Variants in CDH18 observed in about 807,000 individuals in gnomAD.
CDH18 encodes the protein cadherin 18.
Under a neutral mutation model 67.9 loss-of-function variants are expected in CDH18, and 31 were observed. The ratio of observed to expected loss-of-function variants is 0.46; its 90% CI spans 0.34 to 0.62. The LOEUF is 0.62. Ranked by LOEUF, CDH18 falls within the 20% of genes least tolerant of loss-of-function variation. The probability of loss-of-function intolerance (pLI) is 0.01; values close to 1 mark genes in which losing one functional copy is unlikely to be tolerated. For synonymous variants in CDH18, 362 were observed against 347.2 expected (o/e 1.04, Z -0.48); for missense variants, 890 against 975.5 (o/e 0.91, Z 1.17).
In CDH18 at chr5:20,172,216, ATATATATGTATATATATATATATG is replaced by A. The variant is rs1425086580; in HGVS notation, c.-518+83204_-518+83227del. Among the ~76,000 whole-genome samples, 24 of 78,778 alleles carry A rather than the reference ATATATATGTATATATATATATATG, an allele frequency of 3.0e-4. 1 individual carries two copies. The highest frequency in any genetic ancestry group is 1.3e-3 in the African/African-American group (23 of 17,470). 51.7% of individuals were successfully genotyped at this position (78,778 alleles called of 152,430 possible). A position where few individuals can be genotyped will look rare whatever the true frequency, so the allele number is the denominator to read the frequency against. ...TATATATATATATATATATATATAT[ATATATATGTATATATATATATATG>A]TATATATATATATATATCTCCTCTC... On this transcript the variant is annotated intron_variant, in intron 2 of 14. Transcript: ENST00000507958.
intron 2 of CDH18, among the ~76,000 whole-genome samples, chr5:19,843,486 T>G (rs1462438373): frequency 8.7e-6 from 1 of 115,454 alleles, no homozygotes; most frequent in Non-Finnish European, 2.0e-5. Context: ...AACACCTGGA[T>G]GGCTAGCAGA....
chr5:20,233,136 A>G (rs999504520), intron 2 of CDH18, among the ~76,000 whole-genome samples: 3 of 151,320 alleles, frequency 2.0e-5, no homozygotes, highest in African/African-American at 7.3e-5. Context: ...TTCAACTCTA[A>G]TTCCCCTAGC....
intron 1 of CDH18, among the ~76,000 whole-genome samples, chr5:20,276,368 C>A (rs1605661): frequency 0.12 from 17,766 of 152,168 alleles, 1,578 homozygotes; most frequent in African/African-American, 0.24. Flanking sequence ...GGATAGGGAA[C>A]TGGGCAGAGT....
intron 1 of CDH18, among the ~76,000 whole-genome samples, chr5:20,342,718 C>T (rs1455201089): frequency 6.6e-6 from 1 of 152,138 alleles, no homozygotes; most frequent in Admixed American, 6.5e-5. Flanking sequence ...AGTAGGGACT[C>T]TGCATTTAAT....
intron 1 of CDH18, among the ~76,000 whole-genome samples, chr5:20,530,978 A>T (rs1229163407): frequency 2.0e-5 from 3 of 152,122 alleles, no homozygotes; most frequent in Non-Finnish European, 4.4e-5. Flanking sequence ...AAATTTTTGC[A>T]ATCTATCCAT....
At chr5:19,871,633 G>A (rs1786305222) in intron 2 of CDH18, among the ~76,000 whole-genome samples, 1 of 152,026 alleles carries the variant, frequency 6.6e-6, no homozygotes, top group African/African-American at 2.4e-5. Flanking sequence ...AATGAGATAA[G>A]GATAAGTCGG....
At chr5:19,938,680 G>A (rs960038900) in intron 2 of CDH18, among the ~76,000 whole-genome samples, 26 of 150,984 alleles carry the variant, frequency 1.7e-4, no homozygotes, top group Admixed American at 6.0e-4. Flanking sequence ...ATATATCTTG[G>A]TATTTTTAGA....
chr5:19,530,188 A>G (rs1370959877), intron 9 of CDH18, among the ~76,000 whole-genome samples: 2 of 152,308 alleles, frequency 1.3e-5, no homozygotes, highest in Admixed American at 6.5e-5. Context: ...AGAAAATGAT[A>G]GCATTAAGAC....
chr5:19,882,238 T>C (rs1787736103), intron 2 of CDH18, among the ~76,000 whole-genome samples: 1 of 152,154 alleles, frequency 6.6e-6, no homozygotes, highest in South Asian at 2.1e-4. Context: ...GATTCTTTGA[T>C]TCTGTGTCTC....
intron 3 of CDH18, among the ~76,000 whole-genome samples, chr5:19,771,074 T>C (rs545951377): frequency 5.3e-5 from 8 of 152,140 alleles, no homozygotes; most frequent in Non-Finnish European, 1.2e-4. Context: ...TTTGGGGTAC[T>C]TGGGTGAAGA....
At chr5:19,733,816 T>C (rs1033304634) in intron 4 of CDH18, among the ~76,000 whole-genome samples, 9 of 152,178 alleles carry the variant, frequency 5.9e-5, no homozygotes, top group African/African-American at 2.2e-4. Context: ...GGCTTGGGTG[T>C]CTCAGGCACC....
intron 3 of CDH18, among the ~76,000 whole-genome samples, chr5:19,771,834 G>A (rs1475049226): frequency 6.6e-6 from 1 of 152,126 alleles, no homozygotes; most frequent in Non-Finnish European, 1.5e-5. Flanking sequence ...GCAGTTGTCA[G>A]GGGCAGGAGT....
intron 9 of CDH18, among the ~76,000 whole-genome samples, chr5:19,526,731 C>G (rs547449961): frequency 6.6e-6 from 1 of 151,862 alleles, no homozygotes; most frequent in Admixed American, 6.6e-5. Context: ...GATTTCTAAT[C>G]TGATTATTCA....
intron 5 of CDH18, among the ~76,000 whole-genome samples, chr5:19,700,328 A>C (rs1763074719): frequency 6.6e-6 from 1 of 152,192 alleles, no homozygotes; most frequent in Non-Finnish European, 1.5e-5. Context: ...ACAAATAAAA[A>C]AGTATAGTAA....
At chr5:20,521,416 A>G (rs1755735070) in intron 1 of CDH18, among the ~76,000 whole-genome samples, 1 of 152,116 alleles carries the variant, frequency 6.6e-6, no homozygotes, top group African/African-American at 2.4e-5. Flanking sequence ...TGATAATGCA[A>G]ATAAGACTTA....
chr5:19,914,401 C>T (rs759511701), intron 2 of CDH18, among the ~76,000 whole-genome samples: 2 of 151,996 alleles, frequency 1.3e-5, no homozygotes, highest in South Asian at 2.1e-4. Context: ...ATTAGCATGA[C>T]ATTATTAGGT....
chr5:19,489,645 C>CT (rs2126652917), intron 11 of CDH18, among the ~76,000 whole-genome samples: 1 of 152,198 alleles, frequency 6.6e-6, no homozygotes, highest in South Asian at 2.1e-4. Context: ...ACGAAAACAT[C>CT]TTTTTCTGCA....
At chr5:20,360,743 G>A (rs1742020541) in intron 1 of CDH18, among the ~76,000 whole-genome samples, 1 of 152,222 alleles carries the variant, frequency 6.6e-6, no homozygotes, top group East Asian at 1.9e-4. Flanking sequence ...TGTGATTGCT[G>A]TTGAGGTTAC....
upstream of CDH18, among the ~76,000 whole-genome samples, chr5:19,988,604 G>T (rs1799792299): frequency 6.6e-6 from 1 of 152,094 alleles, no homozygotes; most frequent in African/African-American, 2.4e-5. Flanking sequence ...CTGCGGGGGA[G>T]GGGAAACTGG....
Sources: gnomAD v4.1 joint callset for allele counts (sites outside exome capture counted in the v4.1 genomes callset) on GRCh38, gnomAD v4.1.1 for gene constraint, MANE v1.5 for transcripts, NCBI Gene and HGNC (gene_info 2026-07-23, HGNC 2026-07-21) for gene names.